RELN: variants seen among roughly 807,000 people sequenced by gnomAD.
The protein encoded by RELN is reelin.
Under a neutral mutation model 427.6 loss-of-function variants are expected in RELN, and 108 were observed. That is an observed-to-expected ratio of 0.25 (90% confidence interval 0.22 to 0.30). The LOEUF (loss-of-function observed/expected upper bound fraction) is 0.30, where lower values mean the gene tolerates loss of function less well. Ranked by LOEUF, RELN falls within the 10% of genes least tolerant of loss-of-function variation. RELN has a pLI of 1.00. For synonymous variants in RELN, 1,524 were observed against 1,513.4 expected (o/e 1.01, Z -0.16); for missense variants, 3,715 against 4,302.8 (o/e 0.86, Z 3.82).
chr7:103,969,057 A>C (rs1416057772), intron 1 of RELN, among the ~76,000 whole-genome samples: 1 of 152,172 alleles, frequency 6.6e-6, no homozygotes, highest in Non-Finnish European at 1.5e-5. Context: ...TAATGAGTTA[A>C]TTCCCCAAAG....
chr7:103,962,099 A>G (rs1796569358), intron 1 of RELN, among the ~76,000 whole-genome samples: 1 of 151,930 alleles, frequency 6.6e-6, no homozygotes, highest in African/African-American at 2.4e-5. Flanking sequence ...CATTTTATTA[A>G]ATCTCTAGTA....
chr7:103,677,765 CAAAAAAAAAAAAAAA>C (rs60678229), intron 11 of RELN, among the ~76,000 whole-genome samples: 97 of 56,052 alleles, frequency 1.7e-3, no homozygotes, highest in African/African-American at 6.4e-3. Flanking sequence ...GAATCTGTCT[CAAAAAAAAAAAAAAA>C]AAAAAAAAAA....
At chr7:103,773,318 TCC>T (rs1563004648) in intron 4 of RELN, among the ~76,000 whole-genome samples, 1 of 52,130 alleles carries the variant, frequency 1.9e-5, no homozygotes, top group Non-Finnish European at 3.2e-5. Context: ...CCTCGCTCCC[TCC>T]GTCTCTCTCT....
intron 16 of RELN, among the ~76,000 whole-genome samples, chr7:103,646,600 A>G (rs1023777569): frequency 6.6e-6 from 1 of 151,948 alleles, no homozygotes; most frequent in Non-Finnish European, 1.5e-5. Context: ...AAAGAAAAAT[A>G]ACAAGTAGTG....
At chr7:103,700,245 T>C (rs775744473) in intron 9 of RELN, among the ~76,000 whole-genome samples, 1 of 152,162 alleles carries the variant, frequency 6.6e-6, no homozygotes. Flanking sequence ...TAGAATTTTA[T>C]TTCATGGTTT....
Position 103,515,203 on chromosome 7 carries a change from T to A in RELN, c.8101A>T (p.Met2701Leu). 6.2e-7 allele frequency: 1 copy of A among 1,614,198 alleles called. No homozygotes were observed. The highest frequency in any genetic ancestry group is 8.5e-7 in the Non-Finnish European group (1 of 1,180,038). The change falls in exon 50 of 65, where the codon ATG becomes TTG. Residue 2701 changes from methionine (M) to leucine (L), a missense_variant. By Grantham distance (15) the Met-to-Leu change is conservative. Around this residue, in one of 4 missense-constraint regions of RELN, gnomAD observed 1,310 missense variants for 1,643.0 expected, o/e 0.80. Coordinates refer to ENST00000428762, the MANE Select transcript of RELN (RefSeq NM_005045.4). The stretch of plus-strand genomic sequence containing the variant: ...AATTTACCTGAAGTTTTGTCTTCCA[T>A]AAACATGTCAAAGGCGATCCTCCCG... ...PVGRIAFDMF[M>L]EDKTSVNEHW...
chr7:103,948,018 T>C lies in RELN; in HGVS notation c.227-30833A>G, dbSNP rs1000466771. Among the ~76,000 whole-genome samples the C allele has an allele frequency of 2.0e-4, 30 of 152,204 alleles. 1 individual carries two copies. Among genetic ancestry groups the C allele is most frequent in the African/African-American group, 7.2e-4 (30 of 41,454 alleles). ...AAAAAGGTATAAAAAATAATCATTT[T>C]CATCAGATGAATAACATTACTTTTG... is the stretch of plus-strand genomic sequence containing the variant. On this transcript the variant is annotated intron_variant, in intron 1 of 64. Transcript: ENST00000428762.
chr7:103,652,847 T>A, intron 13 of RELN, 88 bp from the exon 14 acceptor site: 1 of 1,108,986 alleles, frequency 9.0e-7, no homozygotes, highest in Admixed American at 1.8e-5. Context: ...ATGAACGCTA[T>A]GTACATAACT....
chr7:103,508,481 G>C (rs190386410), intron 51 of RELN, among the ~76,000 whole-genome samples: 1 of 152,214 alleles, frequency 6.6e-6, no homozygotes, highest in South Asian at 2.1e-4. Context: ...CAATAACTAG[G>C]TATTGATGGA....
intron 24 of RELN, among the ~76,000 whole-genome samples, chr7:103,602,052 A>G (rs574624757): frequency 1.2e-4 from 18 of 152,308 alleles, no homozygotes; most frequent in Middle Eastern, 3.4e-3. Context: ...ACAGCTCTAC[A>G]TACCCCCACT....
chr7:103,842,114 G>A (rs1219935802), intron 2 of RELN, among the ~76,000 whole-genome samples: 1 of 151,954 alleles, frequency 6.6e-6, no homozygotes, highest in Non-Finnish European at 1.5e-5. Flanking sequence ...ATTTTTTCAG[G>A]AAGTTTAGCA....
At chr7:103,886,313 A>T (rs1396381222) in intron 2 of RELN, among the ~76,000 whole-genome samples, 2 of 152,330 alleles carry the variant, frequency 1.3e-5, no homozygotes, top group African/African-American at 4.8e-5. Context: ...CAAACATTTT[A>T]TGCCTGATAA....
chr7:103,590,141 T>A (rs1178222454), intron 27 of RELN, among the ~76,000 whole-genome samples: 1 of 152,186 alleles, frequency 6.6e-6, no homozygotes, highest in Non-Finnish European at 1.5e-5. Flanking sequence ...AAGCTGCTTT[T>A]TTCTCCCTCC....
chr7:103,485,229 C>CA (rs35324403), intron 61 of RELN, among the ~76,000 whole-genome samples: 1,766 of 95,926 alleles, frequency 0.018, 6 homozygotes, highest in African/African-American at 0.033. Flanking sequence ...TTTGGCAGGC[C>CA]AAAAAAAAAA....
In RELN at chr7:103,968,163, A is replaced by C. The variant is rs1011757127; in HGVS notation, c.226+20968T>G. ...TTTCTACAAAGTAGGCCCTCAACAAATGTATATTGATTTTAAAGGAAAATA... is the reference window on the plus strand; with the variant it reads ...TTTCTACAAAGTAGGCCCTCAACAACTGTATATTGATTTTAAAGGAAAATA... On this transcript the variant is annotated intron_variant, in intron 1 of 64. Coordinates refer to ENST00000428762, the MANE Select transcript of RELN (RefSeq NM_005045.4). The surrounding 1 kb of genome is among the most constrained non-coding windows in gnomAD (Gnocchi z 4.3). 1.6e-4 allele frequency among the ~76,000 whole-genome samples: 25 copies of C among 151,996 alleles called. No individual in the cohort carries two copies. The highest frequency in any genetic ancestry group is 5.8e-4 in the African/African-American group (24 of 41,424).
At chr7:103,505,425 C>A (rs537806371) in intron 51 of RELN, among the ~76,000 whole-genome samples, 2 of 152,282 alleles carry the variant, frequency 1.3e-5, no homozygotes, top group South Asian at 4.1e-4. Context: ...CCTAGGCAAA[C>A]AGGGTCTGGA....
intron 7 of RELN, among the ~76,000 whole-genome samples, chr7:103,724,115 T>A (rs1460095227): frequency 6.6e-6 from 1 of 152,140 alleles, no homozygotes; most frequent in African/African-American, 2.4e-5. Flanking sequence ...CCGTATGCAA[T>A]AGAAAGTGGA....
In RELN at chr7:103,511,013, C is replaced by CA. The variant is rs774679180; in HGVS notation, c.8120-9dup. The CA allele has an allele frequency of 7.5e-6, 12 of 1,610,144 alleles. No individual in the cohort carries two copies. Among genetic ancestry groups the CA allele is most frequent in the East Asian group, 6.7e-5 (3 of 44,826 alleles). On this transcript the variant is annotated splice_polypyrimidine_tract_variant and intron_variant, in intron 50 of 64. Transcript: ENST00000428762. ...ATAGCCAGTGCTCATTCACTTAAAA[C>CA]AAAAAAACAAAATTTTATGACAAAT...
chr7:103,718,358 C>G (rs1427662082), intron 8 of RELN, among the ~76,000 whole-genome samples: 1 of 145,472 alleles, frequency 6.9e-6, no homozygotes, highest in South Asian at 2.2e-4. Flanking sequence ...AAATTAAACA[C>G]ACGTACAAAA....
Sources: allele counts gnomAD v4.1 joint callset (sites outside exome capture counted in the v4.1 genomes callset), GRCh38; gene constraint gnomAD v4.1.1; regional missense constraint gnomAD v4.1.1; non-coding constraint Gnocchi (gnomAD v3.1); transcripts MANE v1.5; gene names NCBI Gene and HGNC (gene_info 2026-07-23, HGNC 2026-07-21).